The following EPHA5 variants were observed in gnomAD, a reference collection of about 807,000 sequenced individuals.
EPHA5 encodes the protein EPH receptor A5.
A neutral mutation model predicts 105.0 loss-of-function variants in EPHA5; 60 were observed. That is an observed-to-expected ratio of 0.57 (90% CI 0.46 to 0.71). EPHA5 has a LOEUF of 0.71. Among genes scored for constraint, EPHA5 ranks in the 30% least tolerant of loss-of-function variants. The pLI, the probability that EPHA5 is intolerant of heterozygous loss-of-function variation, is 0.00. For synonymous variants in EPHA5, 513 were observed against 449.1 expected (o/e 1.14, Z -1.80); for missense variants, 1,218 against 1,274.7 (o/e 0.96, Z 0.68).
At chr4:65,514,952 T>A (rs555583716) in intron 3 of EPHA5, among the ~76,000 whole-genome samples, 1 of 152,186 alleles carries the variant, frequency 6.6e-6, no homozygotes, top group Admixed American at 6.6e-5. Flanking sequence ...AATGAAACAA[T>A]AATTCCTATA....
At chr4:65,669,152 C>CT (rs1227233683) in intron 1 of EPHA5, among the ~76,000 whole-genome samples, 1 of 152,172 alleles carries the variant, frequency 6.6e-6, no homozygotes, top group African/African-American at 2.4e-5. Context: ...TCCAGAGATC[C>CT]TTGTCACTGA....
chr4:65,419,357 T>A (rs2149033627), intron 6 of EPHA5, among the ~76,000 whole-genome samples: 1 of 152,268 alleles, frequency 6.6e-6, no homozygotes, highest in Non-Finnish European at 1.5e-5. Flanking sequence ...AGTAAGATTT[T>A]GTATTTCCTA....
At chr4:65,535,733 G>A (rs891194021) in intron 3 of EPHA5, among the ~76,000 whole-genome samples, 2 of 151,914 alleles carry the variant, frequency 1.3e-5, no homozygotes, top group African/African-American at 4.8e-5. Context: ...TTATTAAAAT[G>A]TACATTATAT....
intron 2 of EPHA5, among the ~76,000 whole-genome samples, chr4:65,616,330 A>T (rs1745234299): frequency 6.6e-6 from 1 of 151,822 alleles, no homozygotes; most frequent in Non-Finnish European, 1.5e-5. Context: ...TCATAAAAGG[A>T]TGACATGAAA....
In EPHA5 at chr4:65,520,931, T is replaced by C. The variant is rs188553339; in HGVS notation, c.911-25388A>G. 5.3e-5 allele frequency among the ~76,000 whole-genome samples: 8 copies of C among 152,292 alleles called. 1 individual carries two copies. The highest frequency in any genetic ancestry group is 1.4e-4 in the African/African-American group (6 of 41,566). ...AACACTTTTACACTGTTGGTAGGAC[T>C]GTAAACTGCTTCAACCATTGTGGAA... On this transcript the variant is annotated intron_variant, in intron 3 of 16. Transcript: ENST00000613740.
chr4:65,332,649 G>A (rs1009043425), intron 15 of EPHA5, among the ~76,000 whole-genome samples: 10 of 151,442 alleles, frequency 6.6e-5, no homozygotes, highest in African/African-American at 2.2e-4. Flanking sequence ...ATATGTGTAG[G>A]GTAAGGAGTA....
intron 5 of EPHA5, among the ~76,000 whole-genome samples, chr4:65,430,532 A>G (rs1290971303): frequency 6.6e-6 from 1 of 150,862 alleles, no homozygotes; most frequent in Non-Finnish European, 1.5e-5. Flanking sequence ...CACATTTATA[A>G]GAAACATTAT....
intron 5 of EPHA5, 152 bp downstream of exon 5, chr4:65,490,225 C>T (rs73223835): frequency 0.011 from 6,706 of 613,644 alleles, 332 homozygotes; most frequent in African/African-American, 0.11. Flanking sequence ...TTTAAAACTG[C>T]AAAAGCGTTT....
intron 5 of EPHA5, among the ~76,000 whole-genome samples, chr4:65,433,128 G>A (rs1262713534): frequency 6.6e-6 from 1 of 152,102 alleles, no homozygotes; most frequent in African/African-American, 2.4e-5. Flanking sequence ...AAATTTTCGA[G>A]TGCTGAAGCA....
chr4:65,393,424 C>A (rs1441027971), intron 8 of EPHA5, among the ~76,000 whole-genome samples: 1 of 152,160 alleles, frequency 6.6e-6, no homozygotes, highest in African/African-American at 2.4e-5. Context: ...AAAGTCAAAT[C>A]TGTGTTCAAC....
Position 65,351,390 on chromosome 4 carries a change from C to T in EPHA5, c.2444G>A (p.Arg815Lys), listed in dbSNP as rs763912590. The change falls in exon 13 of 17, where the codon AGG becomes AAG. Residue 815 changes from arginine (R) to lysine (K), a missense_variant and splice_region_variant. This residue lies in a region of EPHA5 where 971 missense variants were observed against 1,013.5 expected (regional missense o/e 0.96). Coordinates refer to ENST00000613740, the MANE Select transcript of EPHA5 (RefSeq NM_001281766.3). The part of the protein sequence containing the change: ...EDDPEAAYTT[R>K]GGKIPIRWTA... The stretch of plus-strand genomic sequence containing the variant: ...GAAATGCACTCTGTTAGATCTTACC[C>T]TTGTGGTGTAGGCTGCCTCGGGATC... 3.3e-5 allele frequency: 53 copies of T among 1,613,344 alleles called. No homozygotes were observed. Among genetic ancestry groups the T allele is most frequent in the Non-Finnish European group, 4.5e-5 (53 of 1,179,620 alleles).
chr4:65,499,445 G>T (rs1732266420), intron 3 of EPHA5, among the ~76,000 whole-genome samples: 2 of 151,430 alleles, frequency 1.3e-5, no homozygotes, highest in South Asian at 4.1e-4. Flanking sequence ...TTCAGGATAT[G>T]ATTTCTTAAA....
chr4:65,405,204 A>C (rs978866110), intron 7 of EPHA5, among the ~76,000 whole-genome samples: 1 of 152,200 alleles, frequency 6.6e-6, no homozygotes, highest in Admixed American at 6.5e-5. Context: ...AGGAATATGA[A>C]CATGATTAGG....
At chr4:65,356,676 TA>T in intron 11 of EPHA5, among the ~76,000 whole-genome samples, 1 of 151,610 alleles carries the variant, frequency 6.6e-6, no homozygotes, top group Middle Eastern at 3.4e-3. Context: ...GAAAAGCAAT[TA>T]AAATGAATGT....
intron 5 of EPHA5, among the ~76,000 whole-genome samples, chr4:65,475,092 A>C (rs961909227): frequency 6.6e-6 from 1 of 152,198 alleles, no homozygotes; most frequent in Non-Finnish European, 1.5e-5. Context: ...ATTGTCACTC[A>C]AAGGTAATAG....
intron 3 of EPHA5, among the ~76,000 whole-genome samples, chr4:65,578,847 G>A (rs1741325609): frequency 6.6e-6 from 1 of 152,026 alleles, no homozygotes; most frequent in Non-Finnish European, 1.5e-5. Flanking sequence ...AATCTAGCAT[G>A]CTTCTAGAGC....
intron 7 of EPHA5, among the ~76,000 whole-genome samples, chr4:65,409,878 C>T (rs1191672294): frequency 6.6e-6 from 1 of 152,080 alleles, no homozygotes; most frequent in African/African-American, 2.4e-5. Context: ...TTCAAAATGA[C>T]TGACAAATAA....
intron 2 of EPHA5, among the ~76,000 whole-genome samples, chr4:65,613,372 C>A (rs1744948248): frequency 6.6e-6 from 1 of 151,868 alleles, no homozygotes; most frequent in Admixed American, 6.6e-5. Flanking sequence ...TTTGAGAGGT[C>A]ATATAAACTA....
At chr4:65,441,657 A>G (rs1726026010) in intron 5 of EPHA5, among the ~76,000 whole-genome samples, 1 of 152,168 alleles carries the variant, frequency 6.6e-6, no homozygotes, top group African/African-American at 2.4e-5. Context: ...CACTACAACT[A>G]CAGATATTTC....
Sources: gnomAD v4.1 joint callset for allele counts (sites outside exome capture counted in the v4.1 genomes callset) on GRCh38, gnomAD v4.1.1 for gene constraint, gnomAD v4.1.1 regional missense constraint, MANE v1.5 for transcripts, NCBI Gene and HGNC (gene_info 2026-07-23, HGNC 2026-07-21) for gene names.